The following TMEM108 variants were observed in gnomAD, a reference collection of about 807,000 sequenced individuals.
The protein encoded by TMEM108 is transmembrane protein 108.
Under a neutral mutation model 35.1 loss-of-function variants are expected in TMEM108, and 12 were observed. The observed-to-expected ratio is 0.34, with a 90% CI of 0.22 to 0.55. The LOEUF (loss-of-function observed/expected upper bound fraction) is 0.55. TMEM108 is among the 20% of genes least tolerant of loss of function. The pLI is 0.89. For synonymous variants in TMEM108, 287 were observed against 308.6 expected (o/e 0.93, Z 0.73); for missense variants, 680 against 753.3 (o/e 0.90, Z 1.14).
chr3:133,183,640 T>C (rs1216984091), intron 2 of TMEM108, among the ~76,000 whole-genome samples: 4 of 152,222 alleles, frequency 2.6e-5, no homozygotes, highest in African/African-American at 9.6e-5. Flanking sequence ...GCTTTGATGT[T>C]GGGAGACTGG....
At chr3:133,121,787 A>AT (rs913668569) in intron 2 of TMEM108, among the ~76,000 whole-genome samples, 5 of 152,128 alleles carry the variant, frequency 3.3e-5, no homozygotes, top group African/African-American at 9.7e-5. Flanking sequence ...ACCAAGGGAA[A>AT]TTTTTTCTCT....
chr3:133,386,632 A>G (rs1203814806), intron 4 of TMEM108: 1 of 1,425,686 alleles, frequency 7.0e-7, no homozygotes, highest in South Asian at 1.6e-5. Context: ...GACCTCCTCC[A>G]GAGTCTTGAT....
intron 3 of TMEM108, among the ~76,000 whole-genome samples, chr3:133,353,984 G>A (rs746622670): frequency 6.6e-6 from 1 of 152,170 alleles, no homozygotes; most frequent in Non-Finnish European, 1.5e-5. Context: ...TGTCCTTTAA[G>A]CTTGCTTAGC....
chr3:133,152,433 A>G lies in TMEM108; in HGVS notation c.-46-76833A>G, dbSNP rs532432551. Among the ~76,000 whole-genome samples the G allele has an allele frequency of 2.1e-4, 32 of 152,284 alleles. No individual in the cohort carries two copies. In the South Asian group the frequency reaches 6.0e-3, roughly 29 times the overall value. On this transcript the variant is annotated intron_variant, in intron 2 of 5. Coordinates refer to ENST00000321871, the MANE Select transcript of TMEM108 (RefSeq NM_023943.4). ...GGGCAGAAGAGAAGCTAGATGGCAC[A>G]CTGCTCTCTGTTGTATAGTGATTTG... is the stretch of plus-strand genomic sequence containing the variant.
intron 5 of TMEM108, among the ~76,000 whole-genome samples, chr3:133,391,732 C>T (rs573227403): frequency 6.6e-6 from 1 of 152,310 alleles, no homozygotes; most frequent in African/African-American, 2.4e-5. Context: ...TTCACTTGCT[C>T]ACCTCAGTGA....
At chr3:133,063,868 C>G (rs1265132923) in intron 2 of TMEM108, among the ~76,000 whole-genome samples, 1 of 152,114 alleles carries the variant, frequency 6.6e-6, no homozygotes, top group Non-Finnish European at 1.5e-5. Flanking sequence ...ATTCATTACC[C>G]CTGTCCAGGG....
intron 2 of TMEM108, among the ~76,000 whole-genome samples, chr3:133,219,668 T>G (rs945203342): frequency 1.3e-5 from 2 of 152,172 alleles, no homozygotes; most frequent in Non-Finnish European, 1.5e-5. Flanking sequence ...TGTTATTGAC[T>G]TTTAGTATTA....
At chr3:133,211,170 G>A (rs1472438123) in intron 2 of TMEM108, among the ~76,000 whole-genome samples, 1 of 152,050 alleles carries the variant, frequency 6.6e-6, no homozygotes, top group African/African-American at 2.4e-5. Flanking sequence ...GAAGTGTATT[G>A]CCTCTTCAAA....
chr3:133,329,549 G>A (rs546914931), intron 3 of TMEM108, among the ~76,000 whole-genome samples: 5 of 152,240 alleles, frequency 3.3e-5, no homozygotes, highest in South Asian at 4.1e-4. Flanking sequence ...AACCTCCAGC[G>A]GCTCCTTTTC....
chr3:133,258,773 A>G (rs932223838), intron 3 of TMEM108, among the ~76,000 whole-genome samples: 1 of 152,220 alleles, frequency 6.6e-6, no homozygotes, highest in African/African-American at 2.4e-5. Context: ...AGAGGGAACC[A>G]GGTGAGCATA....
At chr3:133,167,857 TG>T (rs901305819) in intron 2 of TMEM108, among the ~76,000 whole-genome samples, 3 of 152,140 alleles carry the variant, frequency 2.0e-5, no homozygotes, top group African/African-American at 7.2e-5. Flanking sequence ...AGCGGCGGGC[TG>T]GGCTCCTCAA....
chr3:133,126,933 T>G (rs2107739650), intron 2 of TMEM108, among the ~76,000 whole-genome samples: 1 of 152,326 alleles, frequency 6.6e-6, no homozygotes, highest in South Asian at 2.1e-4. Flanking sequence ...TTTAAAAATA[T>G]TTTTACTGGG....
intron 2 of TMEM108, among the ~76,000 whole-genome samples, chr3:133,097,679 T>C (rs1054497430): frequency 6.6e-6 from 1 of 152,238 alleles, no homozygotes; most frequent in African/African-American, 2.4e-5. Context: ...GACTTTCATG[T>C]AGAATTCATT....
At chr3:133,305,733 C>T (rs4507250) in intron 3 of TMEM108, among the ~76,000 whole-genome samples, 51,908 of 151,740 alleles carry the variant, frequency 0.34, 9,234 homozygotes, top group East Asian at 0.48. Flanking sequence ...ACAGTTTCTC[C>T]CCATCAACAC....
chr3:133,084,187 A>G (rs1943851594), intron 2 of TMEM108, among the ~76,000 whole-genome samples: 1 of 152,136 alleles, frequency 6.6e-6, no homozygotes, highest in Non-Finnish European at 1.5e-5. Flanking sequence ...ATCATAAACC[A>G]TGTGTATTCA....
At chr3:133,349,240 A>G (rs1247659857) in intron 3 of TMEM108, among the ~76,000 whole-genome samples, 1 of 152,152 alleles carries the variant, frequency 6.6e-6, no homozygotes, top group Non-Finnish European at 1.5e-5. Context: ...AAGTCCCATC[A>G]CAGGAACATA....
At chr3:133,155,475 G>C (rs1453773700) in intron 2 of TMEM108, among the ~76,000 whole-genome samples, 1 of 152,168 alleles carries the variant, frequency 6.6e-6, no homozygotes, top group Non-Finnish European at 1.5e-5. Flanking sequence ...CCCACCAGCA[G>C]AGTACAAGTG....
intron 2 of TMEM108, among the ~76,000 whole-genome samples, chr3:133,053,517 G>C (rs1943431282): frequency 6.6e-6 from 1 of 152,218 alleles, no homozygotes; most frequent in East Asian, 1.9e-4. Context: ...GGCCTACATA[G>C]CCTATTTTGA....
At chr3:133,263,750 G>A (rs1442024291) in intron 3 of TMEM108, among the ~76,000 whole-genome samples, 1 of 152,230 alleles carries the variant, frequency 6.6e-6, no homozygotes, top group Non-Finnish European at 1.5e-5. Flanking sequence ...GGAGAAGTCA[G>A]TCTGCCATGC....
Sources: allele counts gnomAD v4.1 joint callset (sites outside exome capture counted in the v4.1 genomes callset), GRCh38; gene constraint gnomAD v4.1.1; transcripts MANE v1.5; gene names NCBI Gene and HGNC (gene_info 2026-07-23, HGNC 2026-07-21).